Variants in RP1 observed in about 807,000 individuals in gnomAD.
The protein encoded by RP1 is oxygen-regulated protein 1.
A neutral mutation model predicts 14.8 loss-of-function variants in RP1; 16 were observed. The ratio of observed to expected loss-of-function variants is 1.08; its 90% confidence interval spans 0.73 to 1.65. The LOEUF (loss-of-function observed/expected upper bound fraction) is 1.65, where lower values mean the gene tolerates loss of function less well. Ranked by LOEUF, RP1 falls within the 40% of genes most tolerant of loss-of-function variation. The pLI, the probability that RP1 is intolerant of heterozygous loss-of-function variation, is 0.00. For missense variants in RP1, 2,631 were observed against 2,535.0 expected (o/e 1.04, Z -0.81); for synonymous variants, 876 against 883.6 (o/e 0.99, Z 0.15).
At chr8:54,633,743 A>C (rs200625238), downstream of RP1, among the ~76,000 whole-genome samples, 2,131 of 122,338 alleles carry the variant, frequency 0.017, 15 homozygotes, top group Middle Eastern at 0.037. Context: ...CTCTCTATAT[A>C]TATATATATA....
chr8:54,780,902 A>G, intron 23 of RP1: 1 of 984,958 alleles, frequency 1.0e-6, no homozygotes, highest in Non-Finnish European at 1.2e-6. Flanking sequence ...TTGCATGAGA[A>G]TGGAAATGGC....
intron 1 of RP1, among the ~76,000 whole-genome samples, chr8:54,606,863 C>A (rs4336590): frequency 1.3e-5 from 2 of 152,022 alleles, no homozygotes; most frequent in African/African-American, 4.8e-5. Flanking sequence ...GCATTCGTCA[C>A]GTAGTTCTCG....
chr8:54,627,264 C>G lies in RP1; in HGVS notation c.3382C>G (p.Leu1128Val). 6.2e-7 allele frequency: 1 copy of G among 1,614,124 alleles called. No individual in the cohort carries two copies. The highest frequency in any genetic ancestry group is 2.2e-5 in the East Asian group (1 of 44,882). ...TGCAATATGTAATTCATCCACTAAT[C>G]TCCTTCTAGCTTGGCTCTTGGTGCT... ...HSAICNSSTN[L>V]LLAWLLVLNL... The change falls in exon 4 of 4, where the codon CTC becomes GTC. Residue 1128 changes from leucine (L) to valine (V), a missense_variant. Coordinates refer to ENST00000220676, the MANE Select transcript of RP1 (RefSeq NM_006269.2).
intron 21 of RP1, chr8:54,755,899 C>A: frequency 1.2e-6 from 1 of 860,732 alleles, no homozygotes; most frequent in Non-Finnish European, 1.6e-6. Context: ...ACACATTTTC[C>A]TGACCTGACT....
intron 24 of RP1, among the ~76,000 whole-genome samples, chr8:54,833,058 T>C (rs1811570950): frequency 6.6e-6 from 1 of 152,034 alleles, no homozygotes; most frequent in South Asian, 2.1e-4. Flanking sequence ...CAGTCATACC[T>C]GCATGTGAAT....
chr8:54,792,422 G>T (rs1442476023), intron 24 of RP1, among the ~76,000 whole-genome samples: 1 of 151,710 alleles, frequency 6.6e-6, no homozygotes, highest in Non-Finnish European at 1.5e-5. Flanking sequence ...ATTCTCAAGG[G>T]CACGTAAAAT....
intron 12 of RP1, chr8:54,699,353 A>T (rs1807957132): frequency 4.6e-6 from 2 of 431,790 alleles, no homozygotes; most frequent in Non-Finnish European, 7.9e-6. Context: ...CCTTTAACTG[A>T]AAACATTTAA....
intron 3 of RP1, among the ~76,000 whole-genome samples, chr8:54,636,194 C>T (rs1210710368): frequency 6.6e-6 from 1 of 152,176 alleles, no homozygotes; most frequent in Non-Finnish European, 1.5e-5. Flanking sequence ...CAGGAATAAT[C>T]TGGATACAGG....
intron 1 of RP1, among the ~76,000 whole-genome samples, chr8:54,598,107 T>G (rs899578268): frequency 6.6e-6 from 1 of 152,184 alleles, no homozygotes. Flanking sequence ...AATTAAATCA[T>G]ATAGCATATG....
intron 12 of RP1, among the ~76,000 whole-genome samples, chr8:54,684,190 G>A (rs1807500759): frequency 6.6e-6 from 1 of 151,986 alleles, no homozygotes; most frequent in South Asian, 2.1e-4. Context: ...TAAGCTTTTT[G>A]ATGTGCTGTT....
At chr8:54,805,680 G>A (rs1810830573) in intron 24 of RP1, among the ~76,000 whole-genome samples, 1 of 151,652 alleles carries the variant, frequency 6.6e-6, no homozygotes, top group Admixed American at 6.6e-5. Flanking sequence ...GACACCAGGT[G>A]CATGCCCATG....
chr8:54,680,136 T>A (rs1291243307), intron 12 of RP1, among the ~76,000 whole-genome samples: 2 of 152,114 alleles, frequency 1.3e-5, no homozygotes, highest in African/African-American at 4.8e-5. Flanking sequence ...CTGTGAAAAA[T>A]ATATATATTT....
chr8:54,755,691 GTC>G lies in RP1; in HGVS notation c.3018_3019del (p.Phe1007TrpfsTer15), dbSNP rs1443548416. 4 of 1,535,850 alleles carry G rather than the reference GTC, an allele frequency of 2.6e-6. No homozygotes were observed. The East Asian group carries it at 9.8e-5, about 38-fold the overall frequency. ...GAGACGGAGTCTGAGGTTTTCCTCT[GTC>G]TCTTTGGGGAGAGGGGAGACTCTGG... is the stretch of plus-strand genomic sequence containing the variant. On this transcript the variant is annotated frameshift_variant, in exon 21 of 23. Transcript: ENST00000636932. LOFTEE classifies it high-confidence loss of function.
At chr8:54,663,449 G>T (rs1307624695) in intron 6 of RP1, among the ~76,000 whole-genome samples, 1 of 152,238 alleles carries the variant, frequency 6.6e-6, no homozygotes, top group Non-Finnish European at 1.5e-5. Flanking sequence ...CCAGCATATT[G>T]TTATAATTAA....
At chr8:54,637,236 A>G (rs1265206446) in intron 3 of RP1, among the ~76,000 whole-genome samples, 1 of 152,174 alleles carries the variant, frequency 6.6e-6, no homozygotes, top group East Asian at 1.9e-4. Context: ...GTGCTATGTA[A>G]TAGCTCGATA....
At chr8:54,598,523 G>A (rs1205269166) in intron 1 of RP1, among the ~76,000 whole-genome samples, 3 of 152,168 alleles carry the variant, frequency 2.0e-5, no homozygotes, top group African/African-American at 7.2e-5. Flanking sequence ...CAGATGGAAA[G>A]TTTATTGTAT....
chr8:54,648,630 C>T (rs887051135), intron 3 of RP1, among the ~76,000 whole-genome samples: 1 of 152,016 alleles, frequency 6.6e-6, no homozygotes, highest in African/African-American at 2.4e-5. Flanking sequence ...ATGTTACATG[C>T]CAGAGCTGAG....
chr8:54,597,781 A>G (rs1207139521), intron 1 of RP1, among the ~76,000 whole-genome samples: 1 of 152,316 alleles, frequency 6.6e-6, no homozygotes, highest in Non-Finnish European at 1.5e-5. Flanking sequence ...TGTCCAGAAT[A>G]GTCAAGTCTA....
At chr8:54,668,471 A>G (rs1031786348) in intron 7 of RP1, among the ~76,000 whole-genome samples, 2 of 152,210 alleles carry the variant, frequency 1.3e-5, no homozygotes, top group South Asian at 2.1e-4. Context: ...TATAGATTCA[A>G]TGCCATCCCC....
Sources: allele counts gnomAD v4.1 joint callset (sites outside exome capture counted in the v4.1 genomes callset), GRCh38; gene constraint gnomAD v4.1.1; transcripts MANE v1.5; gene names NCBI Gene and HGNC (gene_info 2026-07-23, HGNC 2026-07-21).